Variants in SULT1E1 observed in about 807,000 individuals in gnomAD.
The protein encoded by SULT1E1 is sulfotransferase family 1E member 1.
A neutral mutation model predicts 33.6 loss-of-function variants in SULT1E1; 36 were observed. The ratio of observed to expected loss-of-function variants is 1.07; its 90% CI spans 0.82 to 1.41. The LOEUF (loss-of-function observed/expected upper bound fraction) is 1.41, where lower values mean the gene tolerates loss of function less well. Ranked by LOEUF, SULT1E1 falls within the 40% of genes most tolerant of loss-of-function variation. SULT1E1 has a pLI of 0.00. For synonymous variants in SULT1E1, 121 were observed against 111.7 expected, an observed-to-expected ratio of 1.08 and a Z score of -0.53; for missense variants, 371 against 345.7, an observed-to-expected ratio of 1.07 and a Z score of -0.58.
rs201072711 is a variant in SULT1E1 at position 69,849,488 on chromosome 4, G to C, written c.445C>G (p.Pro149Ala). The C allele has an allele frequency of 1.1e-4, 170 of 1,611,690 alleles. No individual in the cohort carries two copies. In the East Asian group the frequency reaches 1.2e-3, roughly 11 times the overall value. The change falls in exon 5 of 8, where the codon CCA (proline) becomes GCA (alanine). Residue 149 changes from proline to alanine, a missense_variant. Coordinates refer to ENST00000226444, the MANE Select transcript of SULT1E1 (RefSeq NM_005420.3). ...YYFFLMVAGH[P>A]NPGSFPEFVE... ...AACTCTGGAAAGGATCCAGGATTTG[G>C]ATGACCAGCCACCATTAGAAAGAAA...
At chr4:69,827,881 TAA>T in the SULT1E1 span, among the ~76,000 whole-genome samples, 1 of 152,146 alleles carries the variant, frequency 6.6e-6, no homozygotes, top group Non-Finnish European at 1.5e-5. Flanking sequence ...TAGGACACTT[TAA>T]AAAAGATTGT....
At chr4:69,856,583 A>AT (rs1721240277) in intron 2 of SULT1E1, among the ~76,000 whole-genome samples, 1 of 152,162 alleles carries the variant, frequency 6.6e-6, no homozygotes, top group African/African-American at 2.4e-5. Flanking sequence ...GATGACTGGT[A>AT]TTGTGCTGCC....
downstream of SULT1E1, among the ~76,000 whole-genome samples, chr4:69,838,112 G>A (rs566682455): frequency 6.6e-6 from 1 of 152,190 alleles, no homozygotes; most frequent in East Asian, 1.9e-4. Context: ...TGTAGAATCT[G>A]TGGTTATATT....
chr4:69,841,086 A>G (rs541344458), downstream of SULT1E1: 3 of 152,022 alleles, frequency 2.0e-5, no homozygotes, highest in Admixed American at 6.6e-5. Flanking sequence ...TAAGGAGGGA[A>G]ATCATAGCTA....
At chr4:69,843,061 C>T (rs1223069479) in intron 7 of SULT1E1, among the ~76,000 whole-genome samples, 1 of 152,118 alleles carries the variant, frequency 6.6e-6, no homozygotes, top group Non-Finnish European at 1.5e-5. Context: ...TGGTCTCGAT[C>T]TCCTGACCTC....
chr4:69,845,863 T>C (rs1335884478), intron 6 of SULT1E1, among the ~76,000 whole-genome samples: 3 of 151,172 alleles, frequency 2.0e-5, no homozygotes, highest in Non-Finnish European at 4.4e-5. Context: ...TAATAAACTG[T>C]AGATCATGAC....
chr4:69,834,178 A>G, the SULT1E1 span, among the ~76,000 whole-genome samples: 2 of 152,094 alleles, frequency 1.3e-5, no homozygotes, highest in Non-Finnish European at 2.9e-5. Flanking sequence ...ACTTTCTCCT[A>G]TATCCACTTC....
chr4:69,851,729 A>G (rs1251642762), intron 4 of SULT1E1, among the ~76,000 whole-genome samples: 4 of 152,266 alleles, frequency 2.6e-5, no homozygotes, highest in African/African-American at 7.2e-5. Flanking sequence ...CAACCCAAAT[A>G]TCCAACAATG....
At chr4:69,829,405 C>T in the SULT1E1 span, among the ~76,000 whole-genome samples, 1 of 152,148 alleles carries the variant, frequency 6.6e-6, no homozygotes, top group East Asian at 1.9e-4. Context: ...AAGTCCACTA[C>T]AATTGGTGCC....
chr4:69,853,327 AAT>A (rs1212635614), intron 4 of SULT1E1, among the ~76,000 whole-genome samples: 1 of 152,148 alleles, frequency 6.6e-6, no homozygotes, highest in Non-Finnish European at 1.5e-5. Context: ...CCGTCAGCTT[AAT>A]ATGTCTATTA....
chr4:69,838,392 AAG>A (rs1720827740), downstream of SULT1E1: 1 of 152,166 alleles, frequency 6.6e-6, no homozygotes, highest in South Asian at 2.1e-4. Context: ...AACAGAATTC[AAG>A]AGAGTTAAAC....
chr4:69,847,627 G>T, intron 6 of SULT1E1, 71 bp downstream of exon 6: 2 of 1,003,108 alleles, frequency 2.0e-6, no homozygotes, highest in Non-Finnish European at 2.9e-6. Flanking sequence ...GAATATTTTT[G>T]TATCCAGAGT....
Position 69,853,478 on chromosome 4 carries a change from T to C in SULT1E1, c.369+739A>G, listed in dbSNP as rs1334598462. On this transcript the variant is annotated intron_variant, in intron 4 of 7. Coordinates refer to ENST00000226444, the MANE Select transcript of SULT1E1 (RefSeq NM_005420.3). ...TAATCTTCCAGCCAAGCTGAACTGA[T>C]TTTAGATGCCCCCTCAGATCATCTC... 2.0e-5 allele frequency among the ~76,000 whole-genome samples: 3 copies of C among 152,276 alleles called. No homozygotes were observed. In the South Asian group the frequency reaches 6.2e-4, roughly 32 times the overall value.
At position 69,859,727 on chromosome 4, in the gene SULT1E1, CCTT is replaced by C. The variant is rs1244405213; in HGVS notation, c.-10+319_-10+321del. 2.0e-5 allele frequency among the ~76,000 whole-genome samples: 3 copies of C among 152,196 alleles called. No homozygotes were observed. In the East Asian group the frequency reaches 5.8e-4, roughly 29 times the overall value. ...CTAAAAGTCAATCTCTATTCTACCTCCTTCTACCCTGCTTGCTTTATTTTCTCA... is the reference window on the plus strand; with the variant it reads ...CTAAAAGTCAATCTCTATTCTACCTCCTACCCTGCTTGCTTTATTTTCTCA... On this transcript the variant is annotated intron_variant, in intron 1 of 7. Coordinates refer to ENST00000226444, the MANE Select transcript of SULT1E1 (RefSeq NM_005420.3).
Position 69,842,341 on chromosome 4 carries a change from A to T in SULT1E1, c.773-235T>A, listed in dbSNP as rs575485687. Among the ~76,000 whole-genome samples the T allele has an allele frequency of 2.0e-5, 3 of 152,210 alleles. No homozygotes were observed. The East Asian group carries it at 5.8e-4, about 29-fold the overall frequency. On this transcript the variant is annotated intron_variant, in intron 7 of 7. Transcript: ENST00000226444. ...TTCTCTGATTCTTTCTTCTTATGCC[A>T]TTTACTTTATTTTTCTTCTGAAGTT... is the stretch of plus-strand genomic sequence containing the variant.
chr4:69,852,605 T>C (rs1721149606), intron 4 of SULT1E1, among the ~76,000 whole-genome samples: 1 of 152,178 alleles, frequency 6.6e-6, no homozygotes, highest in Non-Finnish European at 1.5e-5. Flanking sequence ...TTCTTCTCTT[T>C]ATCACTTACA....
the SULT1E1 span, among the ~76,000 whole-genome samples, chr4:69,835,108 A>G: frequency 6.6e-6 from 1 of 152,186 alleles, no homozygotes. Flanking sequence ...AAACTCTTTT[A>G]CCTAGTCCTT....
the SULT1E1 span, among the ~76,000 whole-genome samples, chr4:69,828,522 G>C: frequency 9.3e-4 from 142 of 152,198 alleles, 1 homozygote; most frequent in African/African-American, 3.3e-3. Context: ...AGAAACTCTG[G>C]ACACATCTGA....
chr4:69,853,080 C>T (rs572496777), intron 4 of SULT1E1, among the ~76,000 whole-genome samples: 25 of 152,024 alleles, frequency 1.6e-4, no homozygotes, highest in Non-Finnish European at 3.4e-4. Context: ...GTCTGTAGAT[C>T]TCCAGGAAAT....
Sources: allele counts gnomAD v4.1 joint callset (sites outside exome capture counted in the v4.1 genomes callset), GRCh38; gene constraint gnomAD v4.1.1; transcripts MANE v1.5; gene names NCBI Gene and HGNC (gene_info 2026-07-23, HGNC 2026-07-21).